Variants in MAGEB10 observed in about 807,000 individuals in gnomAD.
MAGEB10 encodes melanoma-associated antigen B10.
For synonymous variants in MAGEB10, 99 were observed against 101.0 expected (o/e 0.98, Z 0.12); for missense variants, 190 against 261.9 (o/e 0.73, Z 1.89).
At chrX:27,810,063 A>G (rs1335314840) in intron 1 of MAGEB10, among the ~76,000 whole-genome samples, 1 of 111,406 alleles carries the variant, frequency 9.0e-6, no homozygotes, top group Non-Finnish European at 1.9e-5. Context: ...TCTCTGTAAA[A>G]TGGACAAATC....
chrX:27,821,297 CAG>C lies in MAGEB10; in HGVS notation c.-7_-6del, dbSNP rs1923880296. The C allele has an allele frequency of 8.3e-7, 1 of 1,201,291 alleles. No individual in the cohort carries two copies. Among genetic ancestry groups the C allele is most frequent in the Non-Finnish European group, 1.1e-6 (1 of 887,775 alleles). ...TGCCTTTTTGGCTGCTGCACCTGAACAGAGTCATCATGCCTCGAGGTCAGAAG... is the reference window on the plus strand; with the variant it reads ...TGCCTTTTTGGCTGCTGCACCTGAACAGTCATCATGCCTCGAGGTCAGAAG... On this transcript the variant is annotated 5_prime_UTR_variant, in exon 3 of 3. Coordinates refer to ENST00000356790, the MANE Select transcript of MAGEB10 (RefSeq NM_182506.3).
chrX:27,819,213 G>T (rs947051229), intron 2 of MAGEB10, among the ~76,000 whole-genome samples: 2 of 110,599 alleles, frequency 1.8e-5, no homozygotes, highest in African/African-American at 6.6e-5. Context: ...TCAGGAGGAG[G>T]AGTCGTCCCA....
intron 1 of MAGEB10, among the ~76,000 whole-genome samples, chrX:27,808,977 GCAGCCCTCA>G (rs1923601144): frequency 8.9e-6 from 1 of 112,705 alleles, no homozygotes; most frequent in African/African-American, 3.2e-5. Context: ...CAGCATGCTG[GCAGCCCTCA>G]CAGCCCTCGC....
At chrX:27,811,350 G>A in intron 1 of MAGEB10, among the ~76,000 whole-genome samples, 1 of 111,131 alleles carries the variant, frequency 9.0e-6, no homozygotes. Context: ...TCAAGATAAA[G>A]AGGGTCTCAC....
In MAGEB10 at chrX:27,821,121, C is replaced by T. The variant is rs900587645; in HGVS notation, c.-49-137C>T. On this transcript the variant is annotated intron_variant, in intron 2 of 2. Transcript: ENST00000356790. ...GTTATTTCACAGAGTACTCAGGGGG[C>T]AGGCAAATCAAAGAATAGGGGCCTT... 10 of 432,240 alleles carry T rather than the reference C, an allele frequency of 2.3e-5. No individual in the cohort carries two copies. The Admixed American group carries it at 4.1e-4, about 18-fold the overall frequency. 35.6% of individuals were successfully genotyped at this position (432,240 alleles called of 1,213,427 possible). A position where few individuals can be genotyped will look rare whatever the true frequency, so the allele number is the denominator to read the frequency against.
intron 1 of MAGEB10, among the ~76,000 whole-genome samples, chrX:27,814,522 T>C (rs1417497469): frequency 8.9e-6 from 1 of 112,140 alleles, no homozygotes; most frequent in Non-Finnish European, 1.9e-5. Flanking sequence ...TTGTGTGCTG[T>C]ATCATAGAGT....
At chrX:27,816,597 T>G (rs1389139738) in intron 1 of MAGEB10, among the ~76,000 whole-genome samples, 2 of 111,758 alleles carry the variant, frequency 1.8e-5, no homozygotes, top group Non-Finnish European at 3.8e-5. Context: ...CTCTTGAGAT[T>G]ATAGAGGTCA....
At chrX:27,814,707 G>A (rs1452063720) in intron 1 of MAGEB10, among the ~76,000 whole-genome samples, 1 of 111,609 alleles carries the variant, frequency 9.0e-6, no homozygotes, top group African/African-American at 3.3e-5. Flanking sequence ...ACAAGGCAAG[G>A]CTTATCAAGG....
At chrX:27,821,181 A>G in intron 2 of MAGEB10, 77 bp from the exon 3 acceptor site, 1 of 567,496 alleles carries the variant, frequency 1.8e-6, no homozygotes, top group Non-Finnish European at 2.8e-6. Context: ...GAAAACTTTC[A>G]GAGGTGGCCG....
In MAGEB10 at chrX:27,821,349, C is replaced by T; in HGVS notation, c.43C>T (p.Arg15Cys). ...QKSKLRAREKRRQARGGLEDL... is the reference protein window; with the variant it reads ...QKSKLRAREKCRQARGGLEDL... ...GAGTAAACTCCGTGCCAGGGAAAAA[C>T]GCCGTCAGGCCCGAGGAGGGCTGGA... Residue 15 changes from arginine to cysteine, a missense_variant, in exon 3 of 3, where the codon CGC (arginine) becomes TGC (cysteine). Physicochemically the swap from Arg to Cys is radical, Grantham distance 180 (BLOSUM62 -3). Coordinates refer to ENST00000356790, the MANE Select transcript of MAGEB10 (RefSeq NM_182506.3). The T allele has an allele frequency of 2.5e-6, 3 of 1,211,281 alleles. No homozygotes were observed. The highest frequency in any genetic ancestry group is 1.7e-5 in the African/African-American group (1 of 57,779).
intron 1 of MAGEB10, among the ~76,000 whole-genome samples, chrX:27,816,373 A>C (rs760367233): frequency 1.8e-5 from 2 of 112,079 alleles, no homozygotes; most frequent in African/African-American, 3.2e-5. Flanking sequence ...TCTCTGGCAG[A>C]CATGCCAGCT....
intron 1 of MAGEB10, among the ~76,000 whole-genome samples, chrX:27,810,738 C>G (rs750933311): frequency 9.1e-6 from 1 of 110,339 alleles, no homozygotes; most frequent in African/African-American, 3.3e-5. Context: ...GGGGACCCAA[C>G]AGAGTACCAC....
Position 27,814,619 on chromosome X carries a change from C to T in MAGEB10, c.-198-2935C>T, listed in dbSNP as rs73628842. Among the ~76,000 whole-genome samples, 831 of 111,547 alleles carry T rather than the reference C, an allele frequency of 7.4e-3. 5 individuals carry two copies. Among genetic ancestry groups the T allele is most frequent in the African/African-American group, 0.026 (785 of 30,680 alleles). ...GGGTCAAACTAATAATAGTAACAAA[C>T]GCTAGTTATTAAATATGCAATAAAT... On this transcript the variant is annotated intron_variant, in intron 1 of 2. Coordinates refer to ENST00000356790, the MANE Select transcript of MAGEB10 (RefSeq NM_182506.3).
In MAGEB10 at chrX:27,822,438, T is replaced by C. The variant is rs1253516777; in HGVS notation, c.*88T>C. The C allele has an allele frequency of 7.0e-6, 6 of 862,313 alleles. No homozygotes were observed. Among genetic ancestry groups the C allele is most frequent in the Non-Finnish European group, 9.6e-6 (6 of 624,553 alleles). 71.1% of individuals were successfully genotyped at this position (862,313 alleles called of 1,213,427 possible). A position where few individuals can be genotyped will look rare whatever the true frequency, so the allele number is the denominator to read the frequency against. Reference sequence around the variant, plus strand: ...CAGGGTGGGACTGGAGACAACACAGTGAATAATATGTTTGTGTTAATGTTC... The same window carrying C: ...CAGGGTGGGACTGGAGACAACACAGCGAATAATATGTTTGTGTTAATGTTC... On this transcript the variant is annotated 3_prime_UTR_variant, in exon 3 of 3. Coordinates refer to ENST00000356790, the MANE Select transcript of MAGEB10 (RefSeq NM_182506.3).
chrX:27,815,074 T>A (rs753866712), intron 1 of MAGEB10, among the ~76,000 whole-genome samples: 7 of 111,816 alleles, frequency 6.3e-5, no homozygotes, highest in Non-Finnish European at 1.1e-4. Flanking sequence ...GCCCAGGTGC[T>A]GGCACCTGGG....
chrX:27,819,165 G>C (rs1193033005), intron 2 of MAGEB10, among the ~76,000 whole-genome samples: 1 of 110,858 alleles, frequency 9.0e-6, no homozygotes, highest in Non-Finnish European at 1.9e-5. Context: ...TGAAGTGGTT[G>C]GGGACGAAGG....
chrX:27,819,170 C>T (rs914308800), intron 2 of MAGEB10, among the ~76,000 whole-genome samples: 5 of 110,661 alleles, frequency 4.5e-5, no homozygotes, highest in Non-Finnish European at 7.6e-5. Flanking sequence ...TGGTTGGGGA[C>T]GAAGGCTTTG....
intron 1 of MAGEB10, among the ~76,000 whole-genome samples, chrX:27,810,300 C>A (rs1478054431): frequency 8.9e-6 from 1 of 111,904 alleles, no homozygotes; most frequent in Non-Finnish European, 1.9e-5. Context: ...ACGAACCCAC[C>A]AGAAGGAAGA....
chrX:27,821,858 A>C lies in MAGEB10; in HGVS notation c.552A>C (p.Leu184=), dbSNP rs755230947. ...NKHIYVLVNK[L]DLGCDAKLSD... is the part of the protein sequence containing the mutation. Reference sequence around the variant, plus strand: ...ACATCTATGTCCTTGTCAACAAACTAGATCTAGGCTGTGATGCAAAGCTGA... The same window carrying C: ...ACATCTATGTCCTTGTCAACAAACTCGATCTAGGCTGTGATGCAAAGCTGA... Residue 184 remains leucine, a synonymous_variant, in exon 3 of 3, where the codon CTA becomes CTC. Transcript: ENST00000356790. 8.3e-7 allele frequency: 1 copy of C among 1,210,009 alleles called. No homozygotes were observed. The highest frequency in any genetic ancestry group is 1.8e-5 in the African/African-American group (1 of 57,089).
Sources: gnomAD v4.1 joint callset for allele counts (sites outside exome capture counted in the v4.1 genomes callset) on GRCh38, gnomAD v4.1.1 for gene constraint, MANE v1.5 for transcripts, NCBI Gene and HGNC (gene_info 2026-07-23, HGNC 2026-07-21) for gene names.